RTN4: variants seen among roughly 807,000 people sequenced by gnomAD.
RTN4 encodes reticulon-4.
RTN4 carries 32 observed loss-of-function variants against 90.4 expected under a neutral mutation model. The ratio of observed to expected loss-of-function variants is 0.35; its 90% CI spans 0.27 to 0.48. RTN4 has a LOEUF of 0.48. RTN4 is among the 20% of genes least tolerant of loss of function. The pLI is 0.99. For synonymous variants in RTN4, 629 were observed against 552.5 expected (o/e 1.14, Z -1.94); for missense variants, 1,706 against 1,430.2 (o/e 1.19, Z -3.11).
upstream of RTN4, among the ~76,000 whole-genome samples, chr2:55,052,820 G>A (rs894783694): frequency 2.6e-5 from 4 of 152,040 alleles, no homozygotes. Context: ...AGTCTTCCCC[G>A]CATGCTTTTC....
rs555508651 is a variant in RTN4 at position 55,012,928 on chromosome 2, T to C, written c.3013+12158A>G. ...TAACAAGTCAAATAAAGAAAGGACA[T>C]AAATCTGTTAAAAACTTATCTTCAT... On this transcript the variant is annotated intron_variant, in intron 3 of 8. Coordinates refer to ENST00000337526, the MANE Select transcript of RTN4 (RefSeq NM_020532.5). Among the ~76,000 whole-genome samples the C allele has an allele frequency of 2.0e-4, 31 of 152,326 alleles. 1 individual carries two copies. The highest frequency in any genetic ancestry group is 1.5e-3 in the Admixed American group (23 of 15,294).
chr2:55,025,098 T>A lies in RTN4; in HGVS notation c.3001A>T (p.Ser1001Cys), dbSNP rs200210000. 1 of 1,601,746 alleles carries A rather than the reference T, an allele frequency of 6.2e-7. No individual in the cohort carries two copies. The highest frequency in any genetic ancestry group is 8.5e-7 in the Non-Finnish European group (1 of 1,173,868). The change falls in exon 3 of 9, where the codon AGT becomes TGT. Residue 1001 changes from serine to cysteine, a missense_variant. Transcript: ENST00000337526. Reference protein sequence around the residue: ...SPSAIFSAELSKTSVVDLLYW... With the variant: ...SPSAIFSAELCKTSVVDLLYW... ...TAGATTGGATTACCTGAAGTTTTACTCAGCTCTGCTGAAAATATAGCAGAT... is the reference window on the plus strand; with the variant it reads ...TAGATTGGATTACCTGAAGTTTTACACAGCTCTGCTGAAAATATAGCAGAT...
intron 2 of RTN4, among the ~76,000 whole-genome samples, chr2:55,072,251 G>A (rs1485033370): frequency 6.7e-6 from 1 of 148,654 alleles, no homozygotes; most frequent in Non-Finnish European, 1.5e-5. Flanking sequence ...TTTTTTTGAG[G>A]CAGAGCCTCG....
Position 54,987,619 on chromosome 2 carries a change from C to T in RTN4, c.3093G>A (p.Leu1031=), listed in dbSNP as rs368026197. Reference sequence around the variant, plus strand: ...TTACGCTCACAATGCTGAATACTGTCAATGAAAGCAGCAGGAATAGGCTGG... The same window carrying T: ...TTACGCTCACAATGCTGAATACTGTTAATGAAAGCAGCAGGAATAGGCTGG... The part of the protein sequence containing the change: ...FGASLFLLLS[L]TVFSIVSVTA... Residue 1031 remains leucine, a synonymous_variant, in exon 4 of 9, where the codon TTG becomes TTA. Transcript: ENST00000337526. 1.1e-5 allele frequency: 18 copies of T among 1,614,040 alleles called. No homozygotes were observed. Among genetic ancestry groups the T allele is most frequent in the Admixed American group, 8.3e-5 (5 of 59,998 alleles).
intron 5 of RTN4, among the ~76,000 whole-genome samples, chr2:54,975,425 G>C (rs1677542137): frequency 6.6e-6 from 1 of 152,098 alleles, no homozygotes; most frequent in South Asian, 2.1e-4. Context: ...GATTATTTAG[G>C]CTTATGTAAC....
intron 1 of RTN4, among the ~76,000 whole-genome samples, chr2:55,039,639 G>A (rs906150753): frequency 2.6e-5 from 4 of 152,102 alleles, no homozygotes; most frequent in Admixed American, 2.6e-4. Flanking sequence ...AATTAGCCAG[G>A]TGTAGTGTTG....
intron 3 of RTN4, among the ~76,000 whole-genome samples, chr2:54,994,792 T>G (rs1359066650): frequency 6.6e-6 from 1 of 152,216 alleles, no homozygotes; most frequent in Non-Finnish European, 1.5e-5. Context: ...TAACATGATC[T>G]TATACAGTAA....
chr2:55,127,026 G>C, the RTN4 span, among the ~76,000 whole-genome samples: 1 of 152,152 alleles, frequency 6.6e-6, no homozygotes, highest in African/African-American at 2.4e-5. Flanking sequence ...AGAGTACGGG[G>C]AGGAAGAAGA....
chr2:54,999,782 T>C (rs1364947979), intron 3 of RTN4, among the ~76,000 whole-genome samples: 1 of 152,254 alleles, frequency 6.6e-6, no homozygotes, highest in South Asian at 2.1e-4. Flanking sequence ...GAATTGAACA[T>C]TTAGTACTAC....
intron 1 of RTN4, among the ~76,000 whole-genome samples, chr2:55,103,121 A>AC (rs1360554145): frequency 6.6e-6 from 1 of 151,898 alleles, no homozygotes; most frequent in Non-Finnish European, 1.5e-5. Flanking sequence ...AAAAAAAAAA[A>AC]AAAAGGAAGT....
chr2:55,054,552 C>T (rs1026634969), upstream of RTN4, among the ~76,000 whole-genome samples: 6 of 152,038 alleles, frequency 3.9e-5, no homozygotes, highest in African/African-American at 1.4e-4. Context: ...GTTAATTGTC[C>T]TTGAATTATG....
Position 54,973,086 on chromosome 2 carries a change from G to A in RTN4, c.*70C>T. On this transcript the variant is annotated 3_prime_UTR_variant, in exon 9 of 9. Coordinates refer to ENST00000337526, the MANE Select transcript of RTN4 (RefSeq NM_020532.5). ...GCAACGTCAAGGTTCGTTCTTCCCT[G>A]ACCCTCCCCCGTATAATCAAATGAA... The A allele has an allele frequency of 1.5e-6, 2 of 1,333,292 alleles. No individual in the cohort carries two copies. The highest frequency in any genetic ancestry group is 1.4e-5 in the African/African-American group (1 of 69,504). 82.6% of individuals were successfully genotyped at this position (1,333,292 alleles called of 1,614,324 possible).
intron 1 of RTN4, among the ~76,000 whole-genome samples, chr2:55,048,051 T>C (rs2104972968): frequency 6.6e-6 from 1 of 152,350 alleles, no homozygotes; most frequent in Admixed American, 6.5e-5. Context: ...ATGTAGGCTA[T>C]ATGGTATAAT....
intron 2 of RTN4, among the ~76,000 whole-genome samples, chr2:55,075,673 T>G (rs1668587141): frequency 6.6e-6 from 1 of 152,140 alleles, no homozygotes; most frequent in African/African-American, 2.4e-5. Context: ...AGGCATTACA[T>G]TACTTGACTT....
At chr2:55,010,244 C>A (rs200682511) in intron 3 of RTN4, 11 of 1,558,590 alleles carry the variant, frequency 7.1e-6, no homozygotes, top group South Asian at 1.2e-5. Context: ...AGTCTGCAGT[C>A]TCCTCTGCTG....
chr2:55,083,924 C>T (rs1379270910), intron 1 of RTN4, among the ~76,000 whole-genome samples: 1 of 152,164 alleles, frequency 6.6e-6, no homozygotes, highest in Admixed American at 6.5e-5. Context: ...ACCCTGGTTC[C>T]TGAAACAGAG....
chr2:55,105,227 GTTT>G (rs869164590), intron 1 of RTN4, among the ~76,000 whole-genome samples: 1 of 114,042 alleles, frequency 8.8e-6, no homozygotes, highest in Non-Finnish European at 1.8e-5. Context: ...TGCTATTGAA[GTTT>G]TTTTTTTTTT....
chr2:55,110,609 T>G (rs1668021180), intron 1 of RTN4, among the ~76,000 whole-genome samples: 1 of 152,190 alleles, frequency 6.6e-6, no homozygotes, highest in Admixed American at 6.5e-5. Flanking sequence ...CCAATGTCAA[T>G]CTATCTGAGG....
chr2:55,100,827 C>A (rs1043513381), intron 1 of RTN4, among the ~76,000 whole-genome samples: 2 of 151,852 alleles, frequency 1.3e-5, no homozygotes. Context: ...CAAAAATTTA[C>A]TTGCTTGTTT....
Sources: allele counts gnomAD v4.1 joint callset (sites outside exome capture counted in the v4.1 genomes callset), GRCh38; gene constraint gnomAD v4.1.1; transcripts MANE v1.5; gene names NCBI Gene and HGNC (gene_info 2026-07-23, HGNC 2026-07-21).